CHODL: variants seen among roughly 807,000 people sequenced by gnomAD.
The protein encoded by CHODL is chondrolectin.
In CHODL, 29 loss-of-function variants were observed where a neutral mutation model predicts 34.5. The observed-to-expected ratio is 0.84, with a 90% CI of 0.63 to 1.15. CHODL has a LOEUF of 1.15. CHODL is among the 50% of genes most tolerant of loss of function. The pLI is 0.00. For missense variants in CHODL, 332 were observed against 332.5 expected, an observed-to-expected ratio of 1.00 and a Z score of 0.01; for synonymous variants, 125 against 116.1, an observed-to-expected ratio of 1.08 and a Z score of -0.49.
chr21:18,105,696 G>C (rs2065264808), intron 2 of CHODL, among the ~76,000 whole-genome samples: 1 of 152,112 alleles, frequency 6.6e-6, no homozygotes, highest in Non-Finnish European at 1.5e-5. Context: ...TACCTAAAAA[G>C]TTATTTAGGT....
chr21:18,173,851 G>T (rs900485889), intron 2 of CHODL, among the ~76,000 whole-genome samples: 1 of 151,616 alleles, frequency 6.6e-6, no homozygotes, highest in Non-Finnish European at 1.5e-5. Context: ...CCTTTTAGAT[G>T]TAAGTAAAGG....
intron 1 of CHODL, among the ~76,000 whole-genome samples, chr21:17,928,536 C>T (rs755873773): frequency 7.9e-5 from 12 of 152,074 alleles, no homozygotes; most frequent in South Asian, 2.1e-4. Context: ...GAGCATGGTA[C>T]GTTTTAGAAA....
chr21:18,161,726 A>T (rs1267701273), intron 2 of CHODL, among the ~76,000 whole-genome samples: 1 of 151,936 alleles, frequency 6.6e-6, no homozygotes, highest in African/African-American at 2.4e-5. Flanking sequence ...TATTCTTCTA[A>T]TCCTCCCTAC....
chr21:17,917,965 T>G (rs1671042998), intron 1 of CHODL, among the ~76,000 whole-genome samples: 2 of 151,556 alleles, frequency 1.3e-5, no homozygotes, highest in South Asian at 4.2e-4. Context: ...AGACAAGTAG[T>G]TATAATAAAT....
chr21:18,184,322 G>A (rs1020335554), intron 2 of CHODL, among the ~76,000 whole-genome samples: 1 of 152,082 alleles, frequency 6.6e-6, no homozygotes, highest in Non-Finnish European at 1.5e-5. Flanking sequence ...TTGACCTTAT[G>A]TTTTGAAACA....
At chr21:17,923,862 A>G (rs1033001150) in intron 1 of CHODL, among the ~76,000 whole-genome samples, 1 of 152,258 alleles carries the variant, frequency 6.6e-6, no homozygotes, top group African/African-American at 2.4e-5. Context: ...ATGTGGAACT[A>G]GAAAGATGGC....
chr21:17,952,615 T>C (rs1358472870), intron 1 of CHODL, among the ~76,000 whole-genome samples: 1 of 152,154 alleles, frequency 6.6e-6, no homozygotes, highest in African/African-American at 2.4e-5. Flanking sequence ...TGATACCAGA[T>C]ATAAACTTGA....
rs2074453666 is a variant in CHODL at position 18,265,866 on chromosome 21, A to C, written c.738-88A>C. The C allele has an allele frequency of 1.6e-5, 16 of 1,022,180 alleles. No homozygotes were observed. The South Asian group carries it at 2.5e-4, about 16-fold the overall frequency. 63.3% of individuals were successfully genotyped at this position (1,022,180 alleles called of 1,614,324 possible). A position where few individuals can be genotyped will look rare whatever the true frequency, so the allele number is the denominator to read the frequency against. On this transcript the variant is annotated intron_variant, in intron 5 of 5. Transcript: ENST00000299295. ...TGAGAGGGGGAGTCTTTCATAAATA[A>C]CTGTCTGAGATATCTCCCTTTGGAC...
At chr21:18,149,366 A>G (rs963350461) in intron 2 of CHODL, among the ~76,000 whole-genome samples, 9 of 152,274 alleles carry the variant, frequency 5.9e-5, no homozygotes, top group Non-Finnish European at 1.2e-4. Context: ...AATACACACA[A>G]TTGCTCTTGT....
rs564229277 is a variant in CHODL, at chr21:18,165,293, T to C, written c.-44-91216T>C. On this transcript the variant is annotated intron_variant, in intron 2 of 6. Coordinates refer to the CHODL transcript ENST00000400127. ...AAACTCACTTGTGGTATTTTATATT[T>C]GTTTTTATTTCGTCGATCCACTTAA... 9.8e-5 allele frequency among the ~76,000 whole-genome samples: 15 copies of C among 152,394 alleles called. No homozygotes were observed. In the South Asian group the frequency reaches 1.0e-3, roughly 11 times the overall value.
rs563843210 is a variant in CHODL, at chr21:18,180,345, A to G, written c.-44-76164A>G. On this transcript the variant is annotated intron_variant, in intron 2 of 6. Transcript: ENST00000400127. ...TTTTTATGTAGAGATGGGGTCCACT[A>G]TGTTGCCCAGGATGGACTCAAACAC... 1.1e-4 allele frequency among the ~76,000 whole-genome samples: 17 copies of G among 152,082 alleles called. No homozygotes were observed. In the East Asian group the frequency reaches 3.1e-3, roughly 28 times the overall value.
chr21:18,136,809 CAT>C (rs1202309706), intron 2 of CHODL, among the ~76,000 whole-genome samples: 1 of 138,798 alleles, frequency 7.2e-6, no homozygotes, highest in Non-Finnish European at 1.6e-5. Flanking sequence ...ATCATATATC[CAT>C]ATATATATAA....
intron 2 of CHODL, among the ~76,000 whole-genome samples, chr21:18,083,932 A>G (rs2064972478): frequency 6.6e-6 from 1 of 152,210 alleles, no homozygotes. Context: ...AGACTGCTGG[A>G]AAGACATGAC....
chr21:17,993,120 C>T (rs2063814224), intron 1 of CHODL, among the ~76,000 whole-genome samples: 1 of 151,946 alleles, frequency 6.6e-6, no homozygotes, highest in Non-Finnish European at 1.5e-5. Context: ...TGTCTTGTTC[C>T]AGTTCTTAGT....
In CHODL at chr21:17,962,506, C is replaced by T. The variant is rs559438651; in HGVS notation, c.-145+45106C>T. Among the ~76,000 whole-genome samples, 3 of 152,070 alleles carry T rather than the reference C, an allele frequency of 2.0e-5. No individual in the cohort carries two copies. In the East Asian group the frequency reaches 5.8e-4, roughly 30 times the overall value. ...CTGATACAGATGGACAAGCTGACCC[C>T]GAGGATGTGTCTGTGCTGTCTGGGG... On this transcript the variant is annotated intron_variant, in intron 1 of 6. Coordinates refer to the CHODL transcript ENST00000400127.
chr21:18,069,521 T>TTA (rs1019422133), intron 2 of CHODL, among the ~76,000 whole-genome samples: 111 of 141,754 alleles, frequency 7.8e-4, no homozygotes, highest in African/African-American at 2.3e-3. Flanking sequence ...TATAAGGGGA[T>TTA]TATATATATA....
chr21:18,217,572 G>C (rs978588626), intron 2 of CHODL, among the ~76,000 whole-genome samples: 4 of 152,086 alleles, frequency 2.6e-5, no homozygotes, highest in Non-Finnish European at 5.9e-5. Flanking sequence ...GATGAGATTT[G>C]GGTGGGGACA....
intron 2 of CHODL, among the ~76,000 whole-genome samples, chr21:18,220,394 TTTTG>T (rs2073871247): frequency 6.6e-6 from 1 of 152,136 alleles, no homozygotes; most frequent in South Asian, 2.1e-4. Flanking sequence ...TTTTATATAT[TTTTG>T]TTTGTTTCTT....
intron 2 of CHODL, among the ~76,000 whole-genome samples, chr21:18,039,863 T>C (rs1342712715): frequency 1.3e-5 from 2 of 151,770 alleles, no homozygotes; most frequent in Admixed American, 6.6e-5. Flanking sequence ...TGGATTGCTA[T>C]TTTTTCTGCT....
Sources: gnomAD v4.1 joint callset for allele counts (sites outside exome capture counted in the v4.1 genomes callset) on GRCh38, gnomAD v4.1.1 for gene constraint, MANE v1.5 for transcripts, NCBI Gene and HGNC (gene_info 2026-07-23, HGNC 2026-07-21) for gene names.